Variants in CUX1 observed in about 807,000 individuals in gnomAD.
The protein encoded by CUX1 is cut like homeobox 1.
Under a neutral mutation model 158.8 loss-of-function variants are expected in CUX1, and 31 were observed. The ratio of observed to expected loss-of-function variants is 0.20; its 90% CI spans 0.15 to 0.26. The LOEUF is 0.26. Ranked by LOEUF, CUX1 falls within the 10% of genes least tolerant of loss-of-function variation. The pLI is 1.00. For synonymous variants in CUX1, 879 were observed against 862.1 expected, an observed-to-expected ratio of 1.02 and a Z score of -0.34; for missense variants, 1,589 against 2,014.6, an observed-to-expected ratio of 0.79 and a Z score of 4.04.
intron 10 of CUX1, among the ~76,000 whole-genome samples, chr7:102,177,452 TAC>T (rs1792513042): frequency 6.6e-6 from 1 of 151,040 alleles, no homozygotes; most frequent in East Asian, 1.9e-4. Flanking sequence ...AAAATGCTGA[TAC>T]AGAGTTTTCA....
chr7:101,943,561 C>G (rs954547359), intron 2 of CUX1, among the ~76,000 whole-genome samples: 1 of 151,992 alleles, frequency 6.6e-6, no homozygotes, highest in African/African-American at 2.4e-5. Flanking sequence ...GGGCTCTTTT[C>G]AGTATCACAT....
chr7:102,116,142 A>G (rs1831417104), intron 8 of CUX1, among the ~76,000 whole-genome samples: 1 of 152,112 alleles, frequency 6.6e-6, no homozygotes, highest in Non-Finnish European at 1.5e-5. Context: ...CCGCTGTCCC[A>G]CCAGGCTCCA....
In CUX1 at chr7:102,257,721, C is replaced by A. The variant is rs1586473576; in HGVS notation, c.*8679C>A. The stretch of plus-strand genomic sequence containing the variant: ...AGCTCAGCTCCCCCCACCCCACCCC[C>A]ACTCTAGCGTTTTGTCACGTCTTAC... On this transcript the variant is annotated 3_prime_UTR_variant, in exon 24 of 24. Transcript: ENST00000292535. 6 of 985,374 alleles carry A rather than the reference C, an allele frequency of 6.1e-6. No homozygotes were observed. Among genetic ancestry groups the A allele is most frequent in the Non-Finnish European group, 7.2e-6 (6 of 829,972 alleles). 61.0% of individuals were successfully genotyped at this position (985,374 alleles called of 1,614,324 possible).
intron 4 of CUX1, among the ~76,000 whole-genome samples, chr7:102,090,705 C>G (rs113501716): frequency 2.7e-5 from 4 of 145,810 alleles, no homozygotes; most frequent in Non-Finnish European, 4.5e-5. Flanking sequence ...TTTTTTTTTC[C>G]TAGCTTTTCA....
In CUX1 at chr7:102,230,760, T is replaced by A. The variant is rs548723716; in HGVS notation, c.3433+3091T>A. On this transcript the variant is annotated intron_variant, in intron 21 of 23. Transcript: ENST00000292535. ...ATCAGTTATTGAATCATGCAGGGAT[T>A]CCTAGACTTGAGTCATCTCCCACTT... is the stretch of plus-strand genomic sequence containing the variant. 1.8e-4 allele frequency among the ~76,000 whole-genome samples: 27 copies of A among 152,276 alleles called. 1 individual carries two copies. The highest frequency in any genetic ancestry group is 1.6e-3 in the Admixed American group (25 of 15,276).
chr7:101,956,208 C>T (rs973986860), intron 2 of CUX1, among the ~76,000 whole-genome samples: 20 of 151,656 alleles, frequency 1.3e-4, no homozygotes, highest in Non-Finnish European at 2.4e-4. Context: ...GCCGGCTCTC[C>T]GCATCTTACA....
chr7:101,978,063 G>A (rs899582637), intron 2 of CUX1, among the ~76,000 whole-genome samples: 1 of 151,710 alleles, frequency 6.6e-6, no homozygotes, highest in African/African-American at 2.4e-5. Flanking sequence ...CCCTGCACCT[G>A]AGGTTAGAGG....
chr7:102,021,302 A>G (rs761531762), intron 2 of CUX1, among the ~76,000 whole-genome samples: 2 of 152,058 alleles, frequency 1.3e-5, no homozygotes, highest in African/African-American at 2.4e-5. Context: ...AACCTGGATT[A>G]TCAGATTTTT....
chr7:101,817,391 G>C (rs1382450148), upstream of CUX1: 7 of 984,504 alleles, frequency 7.1e-6, no homozygotes, highest in African/African-American at 1.8e-5. This position sits in a 1 kb window ranked among gnomAD's most constrained non-coding sequence, Gnocchi z 4.1. Flanking sequence ...CCGGGTTCTC[G>C]AAAGCAGAGC....
chr7:102,063,344 C>T (rs1434596302), intron 3 of CUX1, among the ~76,000 whole-genome samples: 1 of 150,510 alleles, frequency 6.6e-6, no homozygotes, highest in East Asian at 2.0e-4. Context: ...CAGATGCTTA[C>T]TACACAGAGA....
At chr7:101,905,321 G>A (rs1562988533) in intron 1 of CUX1, among the ~76,000 whole-genome samples, 1 of 152,194 alleles carries the variant, frequency 6.6e-6, no homozygotes, top group Non-Finnish European at 1.5e-5. Flanking sequence ...CCCAATTTGG[G>A]ACTCATTGCT....
At chr7:102,009,299 A>C (rs1817726091) in intron 2 of CUX1, among the ~76,000 whole-genome samples, 1 of 152,210 alleles carries the variant, frequency 6.6e-6, no homozygotes, top group South Asian at 2.1e-4. Flanking sequence ...CGCTGACCGC[A>C]CAAATGATGG....
intron 1 of CUX1, among the ~76,000 whole-genome samples, chr7:101,865,527 C>T (rs1395024680): frequency 1.3e-5 from 2 of 152,184 alleles, no homozygotes; most frequent in Non-Finnish European, 2.9e-5. Flanking sequence ...GCAATCCTGT[C>T]TACTTTAGCG....
At chr7:101,848,707 A>G (rs563752445) in intron 1 of CUX1, among the ~76,000 whole-genome samples, 1 of 152,112 alleles carries the variant, frequency 6.6e-6, no homozygotes, top group East Asian at 1.9e-4. Context: ...TGTTAAGTGC[A>G]CAGCAAACAG....
chr7:102,274,423 G>GC, intron 16 of CUX1: 1 of 862,346 alleles, frequency 1.2e-6, no homozygotes, highest in South Asian at 1.6e-5. Context: ...AGAAGGTCAG[G>GC]CCCCCACGCC....
intron 14 of CUX1, among the ~76,000 whole-genome samples, chr7:102,265,719 C>A (rs909382636): frequency 6.6e-6 from 1 of 152,112 alleles, no homozygotes; most frequent in African/African-American, 2.4e-5. Flanking sequence ...AGGCATGAGA[C>A]AGTTGCACCC....
At chr7:102,241,875 T>A (rs1286240219) in intron 23 of CUX1, among the ~76,000 whole-genome samples, 2 of 152,064 alleles carry the variant, frequency 1.3e-5, no homozygotes, top group Non-Finnish European at 2.9e-5. Flanking sequence ...GAGGCTGAGG[T>A]GGGAGGATCA....
At chr7:101,871,042 C>G (rs1229459944) in intron 1 of CUX1, among the ~76,000 whole-genome samples, 7 of 152,158 alleles carry the variant, frequency 4.6e-5, no homozygotes, top group Non-Finnish European at 1.0e-4. Context: ...GGCGGACACC[C>G]CTGTTCCCTG....
At chr7:101,958,124 T>G (rs1321345491) in intron 2 of CUX1, among the ~76,000 whole-genome samples, 3 of 152,186 alleles carry the variant, frequency 2.0e-5, no homozygotes, top group African/African-American at 7.2e-5. Flanking sequence ...CACCGTGCCA[T>G]GTGCCAGACT....
Sources: allele counts gnomAD v4.1 joint callset (sites outside exome capture counted in the v4.1 genomes callset), GRCh38; gene constraint gnomAD v4.1.1; non-coding constraint Gnocchi (gnomAD v3.1); transcripts MANE v1.5; gene names NCBI Gene and HGNC (gene_info 2026-07-23, HGNC 2026-07-21).